CAPN10: variants seen among roughly 807,000 people sequenced by gnomAD.
CAPN10 encodes the protein calpain-10.
In CAPN10, 71 loss-of-function variants were observed where a neutral mutation model predicts 78.4. That is an observed-to-expected ratio of 0.91 (90% CI 0.75 to 1.10). CAPN10 has a LOEUF of 1.10. Ranked by LOEUF, CAPN10 falls within the 50% of genes least tolerant of loss-of-function variation. The pLI, the probability that CAPN10 is intolerant of heterozygous loss-of-function variation, is 0.00. For synonymous variants in CAPN10, 437 were observed against 407.2 expected, an observed-to-expected ratio of 1.07 and a Z score of -0.88; for missense variants, 849 against 924.6, an observed-to-expected ratio of 0.92 and a Z score of 1.06.
At position 240,595,111 on chromosome 2, in the gene CAPN10, C is replaced by T; in HGVS notation, c.1085C>T (p.Pro362Leu). The change falls in exon 7 of 12, where the codon CCC becomes CTC. Residue 362 changes from proline (P) to leucine (L), a missense_variant. By Grantham distance (98) the Pro-to-Leu change is moderately conservative. Transcript: ENST00000391984. ...GGCTGCCGGAACAACAGCGGCTTTC[C>T]CAGCAACCCCAAATTCTGGCTGCGG... ...AGGCRNNSGF[P>L]SNPKFWLRVS... 1 of 1,613,950 alleles carries T rather than the reference C, an allele frequency of 6.2e-7. No homozygotes were observed. The highest frequency in any genetic ancestry group is 1.1e-5 in the South Asian group (1 of 91,086).
chr2:240,598,148 C>G, intron 10 of CAPN10, 61 bp downstream of exon 10: 2 of 1,499,116 alleles, frequency 1.3e-6, no homozygotes, highest in Non-Finnish European at 1.8e-6. Flanking sequence ...TCTTAGTGCT[C>G]GCCTGTCCCC....
In CAPN10 at chr2:240,595,218, G is replaced by C; in HGVS notation, c.1192G>C (p.Ala398Pro). The change falls in exon 7 of 12, where the codon GCA becomes CCA. Residue 398 changes from alanine (A) to proline (P), a missense_variant. Ala to Pro is a conservative substitution (Grantham distance 27). Transcript: ENST00000391984. ...HAADWAGRAR[A>P]LVGDSHTSWS... ...GGCGGACTGGGCAGGCCGGGCCCGG[G>C]CACTGGTGGGTGACAGTCATACTTC... 1 of 1,613,702 alleles carries C rather than the reference G, an allele frequency of 6.2e-7. No individual in the cohort carries two copies. Among genetic ancestry groups the C allele is most frequent in the Non-Finnish European group, 8.5e-7 (1 of 1,180,030 alleles).
chr2:240,593,216 G>C (rs188149931), intron 4 of CAPN10, among the ~76,000 whole-genome samples: 1 of 152,354 alleles, frequency 6.6e-6, no homozygotes, highest in Admixed American at 6.5e-5. Flanking sequence ...AGCACTTCAG[G>C]CTTTAGAGGA....
At chr2:240,589,773 CAA>C (rs2125457845) in intron 2 of CAPN10, 1 of 323,330 alleles carries the variant, frequency 3.1e-6, no homozygotes, top group South Asian at 7.4e-5. Context: ...AATAAAGAGA[CAA>C]ATGTGCCAGC....
chr2:240,592,668 C>T, intron 4 of CAPN10: 1 of 363,492 alleles, frequency 2.8e-6, no homozygotes, highest in South Asian at 2.2e-5. Context: ...GGAAAAAAAT[C>T]ACTTAGATGG....
Position 240,591,967 on chromosome 2 carries a change from C to G in CAPN10, c.505C>G (p.Gln169Glu), listed in dbSNP as rs748683595. 6.2e-7 allele frequency: 1 copy of G among 1,613,548 alleles called. No individual in the cohort carries two copies. Reference protein sequence around the residue: ...HGSYEHLWAGQVADALVDLTG... With the variant: ...HGSYEHLWAGEVADALVDLTG... ...GTCCTACGAGCACCTGTGGGCCGGG[C>G]AGGTGGCGGATGCCCTGGTGGACCT... Residue 169 changes from glutamine to glutamate, a missense_variant, in exon 4 of 12, where the codon CAG (glutamine) becomes GAG (glutamate). Physicochemically the swap from Gln to Glu is conservative, Grantham distance 29. Coordinates refer to ENST00000391984, the MANE Select transcript of CAPN10 (RefSeq NM_023083.4).
chr2:240,592,990 G>C (rs2093112222), intron 4 of CAPN10: 1 of 156,646 alleles, frequency 6.4e-6, no homozygotes, highest in South Asian at 1.9e-4. Context: ...CCTTGGTCTG[G>C]GTCCCCCATA....
At chr2:240,587,922 T>C (rs1173881111) in intron 1 of CAPN10, among the ~76,000 whole-genome samples, 1 of 152,204 alleles carries the variant, frequency 6.6e-6, no homozygotes, top group Non-Finnish European at 1.5e-5. Flanking sequence ...GGAAGTGGGT[T>C]GTCGGGGCAA....
Position 240,595,431 on chromosome 2 carries a change from C to T in CAPN10, c.1278+127C>T, listed in dbSNP as rs372342078. On this transcript the variant is annotated intron_variant, in intron 7 of 11. Transcript: ENST00000391984. Reference sequence around the variant, plus strand: ...TGCCACGGGCCCCACCAGTCTCCCCCCTCCTTGGGCTGTTGCACGGGGTTG... The same window carrying T: ...TGCCACGGGCCCCACCAGTCTCCCCTCTCCTTGGGCTGTTGCACGGGGTTG... 65 of 1,027,606 alleles carry T rather than the reference C, an allele frequency of 6.3e-5. No individual in the cohort carries two copies. In the African/African-American group the frequency reaches 8.4e-4, roughly 13 times the overall value. The allele number at this position is 1,027,606 out of a possible 1,614,324, so 63.7% of individuals were successfully genotyped here.
At chr2:240,597,082 C>G (rs2093141716) in intron 9 of CAPN10, 140 bp downstream of exon 9, 1 of 1,027,864 alleles carries the variant, frequency 9.7e-7, no homozygotes, top group African/African-American at 1.6e-5. Context: ...TGCCTAGAAC[C>G]CGCACAGGGC....
rs1411220663 is a variant in CAPN10 at position 240,598,712 on chromosome 2, T to C, written c.*32T>C. 2 of 1,559,542 alleles carry C rather than the reference T, an allele frequency of 1.3e-6. No homozygotes were observed. Among genetic ancestry groups the C allele is most frequent in the African/African-American group, 1.3e-5 (1 of 74,160 alleles). On this transcript the variant is annotated 3_prime_UTR_variant, in exon 12 of 12. Coordinates refer to ENST00000391984, the MANE Select transcript of CAPN10 (RefSeq NM_023083.4). ...GGCCCCCTGTGCCAGCTCAGGTGAC[T>C]GGAGCCCGAGGGCCTGACAGGTTCC...
chr2:240,592,565 T>C, intron 4 of CAPN10: 1 of 466,376 alleles, frequency 2.1e-6, no homozygotes, highest in South Asian at 1.6e-5. Flanking sequence ...TCCCAGAACT[T>C]TGGGAGGCTG....
chr2:240,591,791 G>A (rs533501914), intron 3 of CAPN10, 142 bp from the exon 4 acceptor site: 26 of 698,424 alleles, frequency 3.7e-5, no homozygotes, highest in Non-Finnish European at 5.8e-5. Context: ...ACTTGGTGAG[G>A]ATGAGGAAGA....
At chr2:240,592,203 C>A in intron 4 of CAPN10, 53 bp downstream of exon 4, 1 of 1,431,558 alleles carries the variant, frequency 7.0e-7, no homozygotes, top group Non-Finnish European at 9.6e-7. Context: ...CCCCCACTGC[C>A]AGGCCTCAGG....
intron 4 of CAPN10, chr2:240,592,377 G>T: frequency 1.4e-6 from 1 of 694,718 alleles, no homozygotes; most frequent in East Asian, 2.7e-5. Flanking sequence ...CTTTCCACTA[G>T]TGCGAGGCAG....
intron 1 of CAPN10, 72 bp from the exon 2 acceptor site, chr2:240,589,271 A>T (rs1360407490): frequency 6.3e-7 from 1 of 1,596,632 alleles, no homozygotes; most frequent in African/African-American, 1.3e-5. Flanking sequence ...TGTCATCTAG[A>T]GCCTTGGGTT....
intron 2 of CAPN10, 55 bp downstream of exon 2, chr2:240,589,529 C>T: frequency 6.4e-7 from 1 of 1,558,004 alleles, no homozygotes; most frequent in Non-Finnish European, 8.6e-7. Context: ...TTGCGTTTCT[C>T]CAGCCTGCTG....
In CAPN10 at chr2:240,596,338, A is replaced by G. The variant is rs776914728; in HGVS notation, c.1298A>G (p.Asn433Ser). ...TCACAGGTAGAGAAGCGGCGGGTCA[A>G]TCTGCCTAGGGTCCTGTCCATGCCC... ...HLWKVEKRRV[N>S]LPRVLSMPPV... Residue 433 changes from asparagine to serine, a missense_variant, in exon 8 of 12, where the codon AAT becomes AGT. Asn to Ser is a conservative substitution (Grantham distance 46). Transcript: ENST00000391984. The G allele has an allele frequency of 1.1e-5, 18 of 1,601,816 alleles. No homozygotes were observed. In the Admixed American group the frequency reaches 1.7e-4, roughly 15 times the overall value.
intron 7 of CAPN10, 149 bp downstream of exon 7, chr2:240,595,453 G>A (rs931265765): frequency 1.2e-6 from 1 of 810,980 alleles, no homozygotes; most frequent in Non-Finnish European, 1.9e-6. Context: ...GTTGCACGGG[G>A]TTGACGTCTG....
Sources: gnomAD v4.1 joint callset for allele counts (sites outside exome capture counted in the v4.1 genomes callset) on GRCh38, gnomAD v4.1.1 for gene constraint, MANE v1.5 for transcripts, NCBI Gene and HGNC (gene_info 2026-07-23, HGNC 2026-07-21) for gene names.